Variants in FOCAD observed in about 807,000 individuals in gnomAD.
The protein encoded by FOCAD is focadhesin.
A neutral mutation model predicts 225.6 loss-of-function variants in FOCAD; 198 were observed. The observed-to-expected ratio is 0.88, with a 90% CI of 0.78 to 0.99. The LOEUF is 0.99. Ranked by LOEUF, FOCAD falls within the 50% of genes least tolerant of loss-of-function variation. The pLI is 0.00. For synonymous variants in FOCAD, 897 were observed against 755.0 expected, an observed-to-expected ratio of 1.19 and a Z score of -3.08; for missense variants, 2,713 against 2,123.6, an observed-to-expected ratio of 1.28 and a Z score of -5.46.
chr9:20,886,691 C>T (rs924909040), intron 21 of FOCAD, among the ~76,000 whole-genome samples: 7 of 152,152 alleles, frequency 4.6e-5, no homozygotes, highest in Non-Finnish European at 7.4e-5. Context: ...AATTAGAAGG[C>T]GTATTGGACA....
intron 2 of FOCAD, among the ~76,000 whole-genome samples, chr9:20,663,550 A>G (rs1376354667): frequency 2.0e-5 from 3 of 151,682 alleles, no homozygotes; most frequent in African/African-American, 4.8e-5. Flanking sequence ...CCAATCTATC[A>G]TCTATCCTTA....
intron 35 of FOCAD, among the ~76,000 whole-genome samples, chr9:20,961,984 T>C: frequency 6.6e-6 from 1 of 152,178 alleles, no homozygotes; most frequent in Non-Finnish European, 1.5e-5. Context: ...GTCTTGATTG[T>C]AGTTTCTTTC....
At chr9:20,783,979 G>A (rs187314395) in intron 10 of FOCAD, among the ~76,000 whole-genome samples, 3 of 152,304 alleles carry the variant, frequency 2.0e-5, no homozygotes, top group Admixed American at 6.5e-5. Flanking sequence ...TATTACAGTA[G>A]TAAATGTAGG....
At chr9:20,677,143 T>A (rs1413740717) in intron 2 of FOCAD, among the ~76,000 whole-genome samples, 1 of 152,218 alleles carries the variant, frequency 6.6e-6, no homozygotes. Flanking sequence ...CTTTATTAGA[T>A]GGTGTTGGGA....
chr9:20,772,721 G>T (rs1189655716), intron 8 of FOCAD, among the ~76,000 whole-genome samples: 1 of 152,052 alleles, frequency 6.6e-6, no homozygotes, highest in Non-Finnish European at 1.5e-5. Context: ...AATGGCAGGT[G>T]AGGAAATGAG....
intron 1 of FOCAD, among the ~76,000 whole-genome samples, chr9:20,699,491 C>T (rs2131390904): frequency 6.6e-6 from 1 of 151,638 alleles, no homozygotes; most frequent in Admixed American, 6.6e-5. Flanking sequence ...CCTGTAATCC[C>T]AGCACTTTGG....
intron 2 of FOCAD, among the ~76,000 whole-genome samples, chr9:20,673,463 G>A (rs906762597): frequency 2.0e-5 from 3 of 152,106 alleles, no homozygotes; most frequent in African/African-American, 7.2e-5. Context: ...CCTGGTAGTG[G>A]TATCTAACTG....
rs182462150 is a variant in FOCAD, at chr9:20,709,390, A to G, written c.-32-5932A>G. Among the ~76,000 whole-genome samples, 8 of 152,224 alleles carry G rather than the reference A, an allele frequency of 5.3e-5. No homozygotes were observed. In the East Asian group the frequency reaches 1.4e-3, roughly 26 times the overall value. On this transcript the variant is annotated intron_variant, in intron 1 of 43. Transcript: ENST00000338382. ...CCTTTTAGTAAAATGGCATGACAAG[A>G]AGTAATATATAAATTGTTTTTCCTT...
At chr9:20,956,382 T>C (rs555380104) in intron 35 of FOCAD, among the ~76,000 whole-genome samples, 3 of 152,324 alleles carry the variant, frequency 2.0e-5, no homozygotes, top group Admixed American at 6.5e-5. Context: ...CAGAAGTCAG[T>C]ATATCTGTAT....
intron 15 of FOCAD, among the ~76,000 whole-genome samples, chr9:20,862,068 AT>A (rs772392003): frequency 6.6e-6 from 1 of 152,116 alleles, no homozygotes; most frequent in Non-Finnish European, 1.5e-5. Flanking sequence ...TACTGTAGTT[AT>A]TCTCCTACCT....
At chr9:20,764,175 G>A (rs1334282270) in intron 6 of FOCAD, among the ~76,000 whole-genome samples, 1 of 152,120 alleles carries the variant, frequency 6.6e-6, no homozygotes, top group Non-Finnish European at 1.5e-5. Context: ...ATCCTCACCT[G>A]TAGAGTTTTT....
At chr9:20,860,238 A>C (rs748215873) in intron 15 of FOCAD, among the ~76,000 whole-genome samples, 13 of 152,120 alleles carry the variant, frequency 8.5e-5, no homozygotes, top group Non-Finnish European at 1.8e-4. Context: ...GTGTGTTTAA[A>C]AATGTCCTTT....
intron 15 of FOCAD, among the ~76,000 whole-genome samples, chr9:20,853,473 G>T (rs1235316500): frequency 6.6e-6 from 1 of 151,664 alleles, no homozygotes; most frequent in African/African-American, 2.4e-5. Context: ...CAGAAATACA[G>T]AATAATTTAA....
chr9:20,725,169 C>T (rs1426915103), intron 4 of FOCAD, among the ~76,000 whole-genome samples: 1 of 152,204 alleles, frequency 6.6e-6, no homozygotes, highest in Non-Finnish European at 1.5e-5. Flanking sequence ...GAGACTCCGT[C>T]TCAATCAATC....
At chr9:20,920,839 G>A (rs1834351595) in intron 24 of FOCAD, among the ~76,000 whole-genome samples, 1 of 151,104 alleles carries the variant, frequency 6.6e-6, no homozygotes, top group African/African-American at 2.4e-5. Context: ...GGGAGGGATA[G>A]CATTAGGAGA....
intron 2 of FOCAD, among the ~76,000 whole-genome samples, chr9:20,661,870 G>A (rs531966353): frequency 2.0e-5 from 3 of 152,224 alleles, no homozygotes; most frequent in East Asian, 3.9e-4. Context: ...ATTAGTAAAA[G>A]CTTGGAAACC....
intron 21 of FOCAD, chr9:20,897,120 G>T (rs750070564): frequency 6.6e-6 from 1 of 151,780 alleles, no homozygotes. Flanking sequence ...TCTTCTTCGA[G>T]AATTGACCCA....
intron 19 of FOCAD, among the ~76,000 whole-genome samples, chr9:20,877,255 G>C (rs544601791): frequency 2.0e-4 from 30 of 152,176 alleles, no homozygotes; most frequent in African/African-American, 7.0e-4. Flanking sequence ...ACCAAATCCC[G>C]AATAGCATAA....
chr9:20,964,254 C>G (rs1043136999), intron 35 of FOCAD, among the ~76,000 whole-genome samples: 3 of 152,048 alleles, frequency 2.0e-5, no homozygotes, highest in Non-Finnish European at 1.5e-5. Context: ...GCAGTCCCAG[C>G]TACTCAGGAG....
Sources: allele counts gnomAD v4.1 joint callset (sites outside exome capture counted in the v4.1 genomes callset), GRCh38; gene constraint gnomAD v4.1.1; transcripts MANE v1.5; gene names NCBI Gene and HGNC (gene_info 2026-07-23, HGNC 2026-07-21).